The following CYP39A1 variants were observed in gnomAD, a reference collection of about 807,000 sequenced individuals.
CYP39A1 encodes 24-hydroxycholesterol 7-alpha-hydroxylase.
In CYP39A1, 49 loss-of-function variants were observed where a neutral mutation model predicts 58.1. The observed-to-expected ratio is 0.84, with a 90% confidence interval of 0.67 to 1.07. The LOEUF is 1.07. CYP39A1 is among the 50% of genes least tolerant of loss of function. The pLI, the probability that CYP39A1 is intolerant of heterozygous loss-of-function variation, is 0.00. For missense variants in CYP39A1, 531 were observed against 539.4 expected (o/e 0.98, Z 0.16); for synonymous variants, 209 against 187.6 (o/e 1.11, Z -0.93).
At chr6:46,581,010 A>T (rs548821233) in intron 10 of CYP39A1, among the ~76,000 whole-genome samples, 2 of 152,340 alleles carry the variant, frequency 1.3e-5, no homozygotes, top group South Asian at 4.1e-4. Flanking sequence ...AATATAAATG[A>T]TTATACCAAA....
chr6:46,597,042 C>T (rs949418447), intron 7 of CYP39A1, among the ~76,000 whole-genome samples: 2 of 152,102 alleles, frequency 1.3e-5, no homozygotes, highest in Admixed American at 1.3e-4. Context: ...CCATGTCTCT[C>T]TTTGACTCTG....
chr6:46,603,771 T>C (rs1323483510), intron 7 of CYP39A1, among the ~76,000 whole-genome samples: 1 of 152,232 alleles, frequency 6.6e-6, no homozygotes, highest in African/African-American at 2.4e-5. Flanking sequence ...TTATGTTCCA[T>C]AAAGGCTATG....
At chr6:46,649,496 A>G (rs1393687899) in intron 1 of CYP39A1, among the ~76,000 whole-genome samples, 1 of 152,218 alleles carries the variant, frequency 6.6e-6, no homozygotes, top group Non-Finnish European at 1.5e-5. Context: ...TCGATGAGGA[A>G]ACTTATTAAA....
At chr6:46,631,829 C>T (rs1042691177) in intron 5 of CYP39A1, among the ~76,000 whole-genome samples, 7 of 152,224 alleles carry the variant, frequency 4.6e-5, no homozygotes, top group African/African-American at 1.7e-4. Context: ...CCAAACAAAT[C>T]CCACTAAAGT....
chr6:46,558,551 A>G (rs543752394), intron 10 of CYP39A1, among the ~76,000 whole-genome samples: 3 of 152,240 alleles, frequency 2.0e-5, no homozygotes, highest in African/African-American at 7.2e-5. Flanking sequence ...ATAATTCAAC[A>G]TGAGATTTGG....
chr6:46,562,154 CT>C (rs1307090455), intron 10 of CYP39A1, among the ~76,000 whole-genome samples: 1 of 152,082 alleles, frequency 6.6e-6, no homozygotes, highest in African/African-American at 2.4e-5. Context: ...TCCTGAGTAG[CT>C]GGGATTACAG....
chr6:46,608,300 A>G (rs1270543613), intron 7 of CYP39A1, among the ~76,000 whole-genome samples: 1 of 152,212 alleles, frequency 6.6e-6, no homozygotes, highest in Non-Finnish European at 1.5e-5. Flanking sequence ...GTAACTGTTC[A>G]GATTTCTGGC....
intron 6 of CYP39A1, among the ~76,000 whole-genome samples, chr6:46,627,267 ATAT>A (rs1441958030): frequency 6.6e-6 from 1 of 152,160 alleles, no homozygotes; most frequent in Non-Finnish European, 1.5e-5. Flanking sequence ...GAGCCAAGCC[ATAT>A]TACTTAGATT....
At chr6:46,580,793 A>G (rs1277945894) in intron 10 of CYP39A1, among the ~76,000 whole-genome samples, 2 of 152,198 alleles carry the variant, frequency 1.3e-5, no homozygotes, top group Admixed American at 6.6e-5. Context: ...TGAAAACCAC[A>G]ATGAGATAAC....
Position 46,634,523 on chromosome 6 carries a change from G to GTTTT in CYP39A1, c.732+1865_732+1866insAAAA, listed in dbSNP as rs530045412. On this transcript the variant is annotated intron_variant, in intron 5 of 11. Transcript: ENST00000275016. ...GGAATTTTACTTTTTTTTTCTTTTT[G>GTTTT]CTTTTTTTTTTTTTTTGAGATGGAG... Among the ~76,000 whole-genome samples, 4 of 131,022 alleles carry GTTTT rather than the reference G, an allele frequency of 3.1e-5. 1 individual carries two copies. The highest frequency in any genetic ancestry group is 8.3e-5 in the Admixed American group (1 of 12,106). 86.0% of individuals were successfully genotyped at this position (131,022 alleles called of 152,430 possible). A position where few individuals can be genotyped will look rare whatever the true frequency, so the allele number is the denominator to read the frequency against.
intron 7 of CYP39A1, among the ~76,000 whole-genome samples, chr6:46,614,343 A>G (rs1318866745): frequency 9.9e-5 from 15 of 152,224 alleles, no homozygotes; most frequent in Non-Finnish European, 4.4e-5. Context: ...TACCATATTT[A>G]GAGAGGACAT....
intron 5 of CYP39A1, among the ~76,000 whole-genome samples, chr6:46,634,117 T>C (rs1775819399): frequency 6.6e-6 from 1 of 152,202 alleles, no homozygotes; most frequent in Admixed American, 6.5e-5. Flanking sequence ...CATGTTGTGG[T>C]AGGGATCCAG....
chr6:46,584,500 A>C (rs553660700), intron 10 of CYP39A1, among the ~76,000 whole-genome samples: 1 of 152,092 alleles, frequency 6.6e-6, no homozygotes, highest in Admixed American at 6.6e-5. Context: ...GGTAGATTCT[A>C]CCACTCCCTG....
chr6:46,602,519 A>G (rs540234183), intron 7 of CYP39A1, among the ~76,000 whole-genome samples: 6 of 152,048 alleles, frequency 3.9e-5, no homozygotes, highest in African/African-American at 1.2e-4. Context: ...CACTCTAAGA[A>G]CCACAGTGCT....
At chr6:46,613,915 T>C (rs1774368231) in intron 7 of CYP39A1, among the ~76,000 whole-genome samples, 1 of 141,578 alleles carries the variant, frequency 7.1e-6, no homozygotes, top group Admixed American at 7.1e-5. Context: ...GTAGTTATTT[T>C]GAAAAAAACA....
At chr6:46,563,242 C>T (rs549567787) in intron 10 of CYP39A1, among the ~76,000 whole-genome samples, 6 of 151,944 alleles carry the variant, frequency 3.9e-5, no homozygotes, top group South Asian at 2.1e-4. Context: ...TCAAAGAAAA[C>T]GGGCCTTGTA....
At chr6:46,556,239 T>C (rs904755234) in intron 10 of CYP39A1, among the ~76,000 whole-genome samples, 3 of 152,214 alleles carry the variant, frequency 2.0e-5, no homozygotes, top group African/African-American at 7.2e-5. Flanking sequence ...ATTGCTTCGG[T>C]TTCCTGCTTC....
chr6:46,569,775 AT>A (rs200420262), intron 10 of CYP39A1, among the ~76,000 whole-genome samples: 18 of 150,948 alleles, frequency 1.2e-4, no homozygotes, highest in African/African-American at 2.7e-4. Context: ...AGGTGCTAGT[AT>A]TTTTTTTTGT....
At chr6:46,584,702 G>C (rs1203692758) in intron 10 of CYP39A1, among the ~76,000 whole-genome samples, 1 of 151,976 alleles carries the variant, frequency 6.6e-6, no homozygotes, top group Non-Finnish European at 1.5e-5. Flanking sequence ...CTGTAATCTG[G>C]TCCCAGTAAC....
Sources: gnomAD v4.1 joint callset for allele counts (sites outside exome capture counted in the v4.1 genomes callset) on GRCh38, gnomAD v4.1.1 for gene constraint, MANE v1.5 for transcripts, NCBI Gene and HGNC (gene_info 2026-07-23, HGNC 2026-07-21) for gene names.